The following FRMD6 variants were observed in gnomAD, a reference collection of about 807,000 sequenced individuals.
FRMD6 encodes FERM domain containing 6.
FRMD6 carries 37 observed loss-of-function variants against 73.2 expected under a neutral mutation model. The observed-to-expected ratio is 0.51, with a 90% confidence interval of 0.39 to 0.66. The LOEUF (loss-of-function observed/expected upper bound fraction) is 0.66. FRMD6 is among the 30% of genes least tolerant of loss of function. FRMD6 has a pLI of 0.00. For synonymous variants in FRMD6, 273 were observed against 282.2 expected, an observed-to-expected ratio of 0.97 and a Z score of 0.33; for missense variants, 714 against 780.5, an observed-to-expected ratio of 0.91 and a Z score of 1.02.
At chr14:51,695,412 C>A (rs567375696) in intron 2 of FRMD6, among the ~76,000 whole-genome samples, 59 of 152,220 alleles carry the variant, frequency 3.9e-4, no homozygotes, top group African/African-American at 1.3e-3. Context: ...GGACAGAAAT[C>A]TAGAATGTCA....
At position 51,591,337 on chromosome 14, in the gene FRMD6, C is replaced by T. The variant is rs536442584; in HGVS notation, c.-147+20927C>T. Among the ~76,000 whole-genome samples the T allele has an allele frequency of 2.0e-5, 3 of 152,178 alleles. No homozygotes were observed. The South Asian group carries it at 6.2e-4, about 32-fold the overall frequency. ...TAAAGGAACTATCAGAGATAGTTCA[C>T]CTCATTGAAAGTACAAAGGACAAAG... is the stretch of plus-strand genomic sequence containing the variant. On this transcript the variant is annotated intron_variant, in intron 2 of 14. Coordinates refer to the FRMD6 transcript ENST00000356218.
the FRMD6 span, among the ~76,000 whole-genome samples, chr14:51,407,674 A>C: frequency 9.3e-3 from 1,414 of 152,142 alleles, 23 homozygotes; most frequent in African/African-American, 0.032. Flanking sequence ...GACTTAAAAA[A>C]TTCAGTTTAA....
chr14:51,488,517 T>A (rs1231295046), upstream of FRMD6, among the ~76,000 whole-genome samples: 1 of 152,200 alleles, frequency 6.6e-6, no homozygotes, highest in East Asian at 1.9e-4. Flanking sequence ...TTCTACATCC[T>A]CTCTACTGTA....
chr14:51,489,651 A>G (rs1411849557), intron 1 of FRMD6, among the ~76,000 whole-genome samples: 1 of 152,222 alleles, frequency 6.6e-6, no homozygotes, highest in African/African-American at 2.4e-5. Context: ...CCAATGTAAC[A>G]GCCACTGCTG....
the FRMD6 span, among the ~76,000 whole-genome samples, chr14:51,444,154 C>T: frequency 6.6e-6 from 1 of 152,208 alleles, no homozygotes; most frequent in South Asian, 2.1e-4. Context: ...GTCTCGAACT[C>T]CTGACCTTAG....
At chr14:51,695,081 C>G (rs777380453) in intron 2 of FRMD6, among the ~76,000 whole-genome samples, 5 of 149,564 alleles carry the variant, frequency 3.3e-5, no homozygotes, top group Non-Finnish European at 5.9e-5. Flanking sequence ...GTCACACGAG[C>G]CTAAAACAGT....
intron 11 of FRMD6, chr14:51,720,620 C>T: frequency 1.1e-5 from 6 of 547,060 alleles, no homozygotes; most frequent in Non-Finnish European, 2.0e-5. Context: ...GTTGTAGACT[C>T]AGTCTTAGCT....
At chr14:51,413,807 C>T in the FRMD6 span, among the ~76,000 whole-genome samples, 81 of 152,318 alleles carry the variant, frequency 5.3e-4, 1 homozygote, top group African/African-American at 1.9e-3. Flanking sequence ...TCTCCACATC[C>T]TCTCCAGCAT....
chr14:51,707,872 C>T lies in FRMD6; in HGVS notation c.559-206C>T, dbSNP rs10139965. Among the ~76,000 whole-genome samples the T allele has an allele frequency of 9.1e-3, 1,384 of 152,224 alleles. 21 individuals carry two copies. Among genetic ancestry groups the T allele is most frequent in the African/African-American group, 0.032 (1,320 of 41,516 alleles). ...TTTTCTTCTTAGGTATTCAGCAGTA[C>T]AACTAAATTGACTCTATAGCTTCTA... On this transcript the variant is annotated intron_variant, in intron 6 of 13. Transcript: ENST00000344768.
At chr14:51,689,963 T>C in intron 2 of FRMD6, 28 bp downstream of exon 2, 1 of 1,420,904 alleles carries the variant, frequency 7.0e-7, no homozygotes, top group Non-Finnish European at 1.0e-6. Context: ...TAGAAATGTC[T>C]AAATATTGTG....
At chr14:51,537,334 G>T (rs1885955001) in intron 1 of FRMD6, among the ~76,000 whole-genome samples, 1 of 152,138 alleles carries the variant, frequency 6.6e-6, no homozygotes, top group African/African-American at 2.4e-5. Context: ...TGGTTCAATA[G>T]CTCATTTGCT....
At chr14:51,508,805 T>C (rs533884655) in intron 1 of FRMD6, among the ~76,000 whole-genome samples, 1 of 152,352 alleles carries the variant, frequency 6.6e-6, no homozygotes, top group South Asian at 2.1e-4. Context: ...GTTTCTAAGC[T>C]AATTTGATGT....
rs551318729 is a variant in FRMD6, at chr14:51,721,010, G to C, written c.1360+620G>C. ...CTCAAATAAGTGCTGTAGCATTCAG[G>C]CTTGACGGAAAAGATAGACTTTGTT... On this transcript the variant is annotated intron_variant, in intron 11 of 13. Coordinates refer to ENST00000344768, the MANE Select transcript of FRMD6 (RefSeq NM_001267046.2). Among the ~76,000 whole-genome samples the C allele has an allele frequency of 2.0e-5, 3 of 152,262 alleles. No homozygotes were observed. In the East Asian group the frequency reaches 5.8e-4, roughly 29 times the overall value.
At chr14:51,625,692 C>T (rs1407155756) in intron 2 of FRMD6, among the ~76,000 whole-genome samples, 1 of 152,176 alleles carries the variant, frequency 6.6e-6, no homozygotes, top group Non-Finnish European at 1.5e-5. Flanking sequence ...CACGCTCATT[C>T]CAAGCTGGAG....
At chr14:51,430,048 A>G in the FRMD6 span, among the ~76,000 whole-genome samples, 8 of 152,256 alleles carry the variant, frequency 5.3e-5, no homozygotes, top group Non-Finnish European at 4.4e-5. Flanking sequence ...AAGAAAAAGA[A>G]ATAAAATTGA....
intron 1 of FRMD6, among the ~76,000 whole-genome samples, chr14:51,556,156 G>A (rs901468368): frequency 6.6e-6 from 1 of 152,114 alleles, no homozygotes; most frequent in Non-Finnish European, 1.5e-5. Context: ...CTGTTCCTAG[G>A]ACTTAACTGA....
chr14:51,405,633 C>A, the FRMD6 span, among the ~76,000 whole-genome samples: 3 of 151,674 alleles, frequency 2.0e-5, no homozygotes, highest in Admixed American at 6.6e-5. Context: ...TGTGTCAGTT[C>A]ACGTCCTCTG....
intron 2 of FRMD6, among the ~76,000 whole-genome samples, chr14:51,634,971 C>T (rs1031207038): frequency 2.1e-4 from 32 of 152,022 alleles, no homozygotes; most frequent in Non-Finnish European, 3.8e-4. Context: ...TGCTTTTTTT[C>T]TTTTTTTCAA....
At chr14:51,660,627 A>C (rs1363835486) in intron 1 of FRMD6, among the ~76,000 whole-genome samples, 1 of 151,808 alleles carries the variant, frequency 6.6e-6, no homozygotes, top group African/African-American at 2.4e-5. Context: ...AAAAAAAAAA[A>C]AAAATTCTGC....
Sources: gnomAD v4.1 joint callset for allele counts (sites outside exome capture counted in the v4.1 genomes callset) on GRCh38, gnomAD v4.1.1 for gene constraint, MANE v1.5 for transcripts, NCBI Gene and HGNC (gene_info 2026-07-23, HGNC 2026-07-21) for gene names.